ARHGAP10: variants seen among roughly 807,000 people sequenced by gnomAD.
ARHGAP10 encodes Rho GTPase activating protein 10, also known as rho GTPase-activating protein 10.
In ARHGAP10, 87 loss-of-function variants were observed where a neutral mutation model predicts 108.6. That is an observed-to-expected ratio of 0.80 (90% CI 0.67 to 0.96). The LOEUF is 0.96. Among genes scored for constraint, ARHGAP10 ranks in the 40% least tolerant of loss-of-function variants. The pLI, the probability that ARHGAP10 is intolerant of heterozygous loss-of-function variation, is 0.00. For synonymous variants in ARHGAP10, 347 were observed against 341.1 expected (o/e 1.02, Z -0.19); for missense variants, 939 against 954.5 (o/e 0.98, Z 0.21).
At chr4:147,886,458 T>C (rs1735568087) in intron 10 of ARHGAP10, among the ~76,000 whole-genome samples, 1 of 152,210 alleles carries the variant, frequency 6.6e-6, no homozygotes, top group African/African-American at 2.4e-5. Context: ...TACCACCTTC[T>C]TTCCTAATAA....
At chr4:147,943,489 G>A (rs974096792) in intron 14 of ARHGAP10, among the ~76,000 whole-genome samples, 25 of 152,216 alleles carry the variant, frequency 1.6e-4, no homozygotes, top group African/African-American at 6.0e-4. Flanking sequence ...CTAAGTCAGT[G>A]TTGAGTAGGG....
chr4:147,899,108 C>T (rs55657699), intron 10 of ARHGAP10, among the ~76,000 whole-genome samples: 6,152 of 152,288 alleles, frequency 0.04, 395 homozygotes, highest in African/African-American at 0.14. Context: ...TGCTCTCAGA[C>T]TTCCTCATGA....
At chr4:147,996,823 T>C (rs1259268387) in intron 18 of ARHGAP10, among the ~76,000 whole-genome samples, 4 of 152,120 alleles carry the variant, frequency 2.6e-5, no homozygotes, top group Non-Finnish European at 5.9e-5. Flanking sequence ...CCTGGTGTCC[T>C]TAAGAGGTAC....
chr4:147,890,127 T>C (rs1467542652), intron 10 of ARHGAP10, among the ~76,000 whole-genome samples: 1 of 152,234 alleles, frequency 6.6e-6, no homozygotes, highest in East Asian at 1.9e-4. Context: ...AATGGAGTTA[T>C]GTGGTTATAC....
rs534936773 is a variant in ARHGAP10, at chr4:147,755,448, A to G, written c.154+22993A>G. ...TGAGGCAGGAGAATCGCTTGAACTC[A>G]GGAGGCGGAGGTTGCGGTGAGCCGA... On this transcript the variant is annotated intron_variant, in intron 1 of 22. Coordinates refer to ENST00000336498, the MANE Select transcript of ARHGAP10 (RefSeq NM_024605.4). Among the ~76,000 whole-genome samples the G allele has an allele frequency of 5.3e-5, 8 of 152,182 alleles. No homozygotes were observed. The East Asian group carries it at 1.4e-3, about 26-fold the overall frequency.
chr4:147,759,916 T>G (rs911464558), intron 1 of ARHGAP10, among the ~76,000 whole-genome samples: 1 of 152,096 alleles, frequency 6.6e-6, no homozygotes, highest in South Asian at 2.1e-4. Context: ...GCCTGGCTAA[T>G]TTTTGTATTT....
chr4:147,737,446 C>T (rs72953456), intron 1 of ARHGAP10, among the ~76,000 whole-genome samples: 9,000 of 151,792 alleles, frequency 0.059, 308 homozygotes, highest in South Asian at 0.12. Flanking sequence ...TCAGCCACTG[C>T]GCCTGGCCTT....
At chr4:147,947,337 G>GT (rs1031161663) in intron 15 of ARHGAP10, among the ~76,000 whole-genome samples, 21 of 150,448 alleles carry the variant, frequency 1.4e-4, no homozygotes, top group African/African-American at 5.1e-4. Context: ...CACAACTGTA[G>GT]TTTTTTTATA....
chr4:147,762,484 A>G (rs1729627950), intron 1 of ARHGAP10, among the ~76,000 whole-genome samples: 1 of 148,132 alleles, frequency 6.8e-6, no homozygotes, highest in African/African-American at 2.5e-5. Context: ...TGAACTAGCA[A>G]AAAAAAGATA....
intron 13 of ARHGAP10, among the ~76,000 whole-genome samples, chr4:147,914,553 C>T (rs1368865530): frequency 2.6e-4 from 32 of 121,326 alleles, no homozygotes; most frequent in Admixed American, 1.1e-3. Flanking sequence ...GCATGTTCTG[C>T]GCTCCCCCCC....
chr4:147,765,993 G>A (rs966131591), intron 1 of ARHGAP10, among the ~76,000 whole-genome samples: 5 of 151,986 alleles, frequency 3.3e-5, no homozygotes, highest in African/African-American at 1.2e-4. Context: ...CTTATGAAAT[G>A]GTAGTATTTA....
At chr4:147,970,425 C>T (rs112078795) in intron 18 of ARHGAP10, among the ~76,000 whole-genome samples, 2,763 of 137,036 alleles carry the variant, frequency 0.02, 99 homozygotes, top group African/African-American at 0.07. Context: ...TAATGGATGG[C>T]GGTGGGGGGA....
chr4:148,013,561 G>A (rs150644639), intron 18 of ARHGAP10, among the ~76,000 whole-genome samples: 9,085 of 152,120 alleles, frequency 0.06, 402 homozygotes, highest in Admixed American at 0.095. Flanking sequence ...GGTGGCGGGC[G>A]CCTGTAGTCC....
At chr4:147,776,922 C>A (rs1048344348) in intron 1 of ARHGAP10, among the ~76,000 whole-genome samples, 1 of 152,174 alleles carries the variant, frequency 6.6e-6, no homozygotes, top group Non-Finnish European at 1.5e-5. Context: ...TTGGGGTGGG[C>A]TCTGTCCTAC....
At chr4:147,782,941 A>G (rs1168458736) in intron 1 of ARHGAP10, among the ~76,000 whole-genome samples, 4 of 138,100 alleles carry the variant, frequency 2.9e-5, no homozygotes, top group South Asian at 2.2e-4. Context: ...ATAAAATTAT[A>G]TATTATATAA....
At chr4:147,740,888 C>T (rs1442305087) in intron 1 of ARHGAP10, among the ~76,000 whole-genome samples, 2 of 152,186 alleles carry the variant, frequency 1.3e-5, no homozygotes, top group African/African-American at 2.4e-5. Flanking sequence ...CATTCTTTTC[C>T]CCAAGGGGTA....
At chr4:148,009,220 C>T (rs1011228789) in intron 18 of ARHGAP10, among the ~76,000 whole-genome samples, 5 of 151,920 alleles carry the variant, frequency 3.3e-5, no homozygotes, top group Non-Finnish European at 7.4e-5. Context: ...AACCTCTGGC[C>T]TCCCAGGTTC....
In ARHGAP10 at chr4:147,838,293, T is replaced by G. The variant is rs192607670; in HGVS notation, c.313-8858T>G. ...CAAAAGTATATGTTAGCAGCCCATT[T>G]GGACAGTCTCTTTAAAAAACTTATT... On this transcript the variant is annotated intron_variant, in intron 3 of 22. Transcript: ENST00000336498. 3.7e-3 allele frequency among the ~76,000 whole-genome samples: 556 copies of G among 152,278 alleles called. 2 individuals are homozygous for G. The highest frequency in any genetic ancestry group is 6.8e-3 in the Middle Eastern group (2 of 294).
intron 1 of ARHGAP10, among the ~76,000 whole-genome samples, chr4:147,761,733 C>T (rs964942309): frequency 1.2e-4 from 18 of 152,088 alleles, no homozygotes; most frequent in Admixed American, 1.3e-4. Flanking sequence ...TTGGAATATA[C>T]GGGCTAGTTT....
Sources: gnomAD v4.1 joint callset for allele counts (sites outside exome capture counted in the v4.1 genomes callset) on GRCh38, gnomAD v4.1.1 for gene constraint, MANE v1.5 for transcripts, NCBI Gene and HGNC (gene_info 2026-07-23, HGNC 2026-07-21) for gene names.